NCOR1: variants seen among roughly 807,000 people sequenced by gnomAD.
NCOR1 encodes protein phosphatase 1, regulatory subunit 109.
Under a neutral mutation model 288.1 loss-of-function variants are expected in NCOR1, and 63 were observed. The observed-to-expected ratio is 0.22, with a 90% CI of 0.18 to 0.27. The LOEUF is 0.27. NCOR1 is among the 10% of genes least tolerant of loss of function. NCOR1 has a pLI of 1.00. For synonymous variants in NCOR1, 1,007 were observed against 1,065.9 expected, an observed-to-expected ratio of 0.94 and a Z score of 1.08; for missense variants, 2,397 against 3,019.2, an observed-to-expected ratio of 0.79 and a Z score of 4.83.
chr17:16,036,361 G>A (rs1239783391), intron 44 of NCOR1, among the ~76,000 whole-genome samples: 2 of 152,180 alleles, frequency 1.3e-5, no homozygotes, highest in African/African-American at 4.8e-5. Flanking sequence ...TAGAGCACAG[G>A]CGAGTAGACC....
intron 32 of NCOR1, among the ~76,000 whole-genome samples, chr17:16,067,266 T>C (rs1241680600): frequency 6.6e-6 from 1 of 152,238 alleles, no homozygotes; most frequent in African/African-American, 2.4e-5. Context: ...ACTAGAATTA[T>C]GTAACTTAAT....
chr17:16,200,496 A>C (rs1450697807), intron 1 of NCOR1, among the ~76,000 whole-genome samples: 2 of 5,042 alleles, frequency 4.0e-4, no homozygotes, highest in Non-Finnish European at 3.2e-4. Context: ...ACTCCATCTC[A>C]AAAAAAAAAA....
intron 5 of NCOR1, among the ~76,000 whole-genome samples, chr17:16,161,244 C>G (rs989064447): frequency 6.8e-6 from 1 of 146,074 alleles, no homozygotes; most frequent in Non-Finnish European, 1.5e-5. Context: ...CACACACACA[C>G]ACACACACAC....
intron 40 of NCOR1, 180 bp from the exon 41 acceptor site, chr17:16,049,168 C>CA (rs373057240): frequency 4.3e-4 from 185 of 428,908 alleles, no homozygotes; most frequent in African/African-American, 2.3e-3. Context: ...CAAACAACAA[C>CA]AAAAAAAACC....
intron 42 of NCOR1, among the ~76,000 whole-genome samples, chr17:16,041,980 C>T (rs904488152): frequency 1.6e-4 from 25 of 152,048 alleles, no homozygotes; most frequent in African/African-American, 5.6e-4. Flanking sequence ...TCGATATGCC[C>T]GCCTCGGCCT....
chr17:16,153,672 T>C (rs1216860809), intron 6 of NCOR1, among the ~76,000 whole-genome samples: 1 of 152,186 alleles, frequency 6.6e-6, no homozygotes, highest in African/African-American at 2.4e-5. Context: ...AAGCAATGCC[T>C]GAATAATAGG....
intron 32 of NCOR1, 102 bp from the exon 33 acceptor site, chr17:16,065,796 T>A: frequency 9.8e-7 from 1 of 1,017,150 alleles, no homozygotes; most frequent in Non-Finnish European, 1.5e-6. Context: ...CATGCTGAGC[T>A]AGTGCACATG....
intron 2 of NCOR1, among the ~76,000 whole-genome samples, chr17:16,193,486 G>A (rs954199689): frequency 1.3e-5 from 2 of 152,236 alleles, no homozygotes; most frequent in Non-Finnish European, 1.5e-5. Flanking sequence ...ACCCACCTCA[G>A]CCTCCCAAAA....
Position 16,117,969 on chromosome 17 carries a change from A to G in NCOR1, c.1974T>C (p.Ser658=), listed in dbSNP as rs1417195904. Reference sequence around the variant, plus strand: ...AATAGAAGTTTTTACATTGAGCTTCACTTTTCGTTCCCACCATTTTAGCAA... The same window carrying G: ...AATAGAAGTTTTTACATTGAGCTTCGCTTTTCGTTCCCACCATTTTAGCAA... The part of the protein sequence containing the change: ...AAIAKMVGTK[S]EAQCKNFYFN... Residue 658 remains serine (S), a synonymous_variant, in exon 18 of 46, where the codon AGT becomes AGC. Coordinates refer to ENST00000268712, the MANE Select transcript of NCOR1 (RefSeq NM_006311.4). 1.1e-5 allele frequency: 18 copies of G among 1,613,874 alleles called. No homozygotes were observed.
chr17:16,172,669 A>C (rs2083344923), intron 3 of NCOR1, among the ~76,000 whole-genome samples: 1 of 152,196 alleles, frequency 6.6e-6, no homozygotes, highest in African/African-American at 2.4e-5. Flanking sequence ...CATTGCTTCT[A>C]AAACATCATC....
Position 16,032,146 on chromosome 17 carries a change from C to T in NCOR1, c.*150G>A. Reference sequence around the variant, plus strand: ...CCATTTGACTCTCCAAATGAACTTCCATCATTTCTTCATCATCTGTGGGCT... The same window carrying T: ...CCATTTGACTCTCCAAATGAACTTCTATCATTTCTTCATCATCTGTGGGCT... On this transcript the variant is annotated 3_prime_UTR_variant, in exon 46 of 46. Coordinates refer to ENST00000268712, the MANE Select transcript of NCOR1 (RefSeq NM_006311.4). 3.9e-6 allele frequency: 3 copies of T among 776,484 alleles called. No homozygotes were observed. Among genetic ancestry groups the T allele is most frequent in the East Asian group, 6.4e-5 (2 of 31,390 alleles). 48.1% of individuals were successfully genotyped at this position (776,484 alleles called of 1,614,324 possible).
intron 6 of NCOR1, among the ~76,000 whole-genome samples, chr17:16,154,927 G>C (rs2079480388): frequency 6.6e-6 from 1 of 152,204 alleles, no homozygotes; most frequent in African/African-American, 2.4e-5. Context: ...ACATGAAGTG[G>C]CAAAGAGAGA....
chr17:16,072,597 A>T (rs2061887435), intron 28 of NCOR1, among the ~76,000 whole-genome samples: 1 of 152,234 alleles, frequency 6.6e-6, no homozygotes, highest in South Asian at 2.1e-4. Context: ...TGGATACCAT[A>T]AAAATAGGGA....
chr17:16,066,693 G>GCC (rs1164055173), intron 32 of NCOR1, among the ~76,000 whole-genome samples: 2 of 152,180 alleles, frequency 1.3e-5, no homozygotes, highest in East Asian at 3.8e-4. Context: ...GGGAGACAGT[G>GCC]CCCTAAGTAA....
At position 16,029,203 on chromosome 17, in the gene NCOR1, A is replaced by G; in HGVS notation, c.*3093T>C. Reference sequence around the variant, plus strand: ...TATTTATTAATTTTAAATCATCCACAGTGACTCAGCTCATGGTCTCGTTGT... The same window carrying G: ...TATTTATTAATTTTAAATCATCCACGGTGACTCAGCTCATGGTCTCGTTGT... On this transcript the variant is annotated 3_prime_UTR_variant, in exon 46 of 46. Coordinates refer to ENST00000268712, the MANE Select transcript of NCOR1 (RefSeq NM_006311.4). 1 of 453,896 alleles carries G rather than the reference A, an allele frequency of 2.2e-6. No homozygotes were observed. The highest frequency in any genetic ancestry group is 4.4e-6 in the Non-Finnish European group (1 of 226,728). 28.1% of individuals were successfully genotyped at this position (453,896 alleles called of 1,614,324 possible).
chr17:16,067,258 T>A (rs1213912394), intron 32 of NCOR1, among the ~76,000 whole-genome samples: 1 of 152,270 alleles, frequency 6.6e-6, no homozygotes, highest in African/African-American at 2.4e-5. Flanking sequence ...TACTTGTTAC[T>A]AGAATTATGT....
chr17:16,106,883 A>ATATATT (rs1164118180), intron 19 of NCOR1, among the ~76,000 whole-genome samples: 7 of 31,412 alleles, frequency 2.2e-4, no homozygotes, highest in Admixed American at 6.5e-4. Flanking sequence ...ATATATATAT[A>ATATATT]TTTTTTTTTT....
Position 16,075,693 on chromosome 17 carries a change from C to G in NCOR1, c.3511G>C (p.Ala1171Pro). Reference protein sequence around the residue: ...LRGSITQGTPALPQTGIPTEA... With the variant: ...LRGSITQGTPPLPQTGIPTEA... ...GTTGGTATGCCAGTCTGGGGCAGAG[C>G]CGGGGTGCCCTGCCATCAAATCAAG... The change falls in exon 27 of 46, where the codon GCT becomes CCT. Residue 1171 changes from alanine (A) to proline (P), a missense_variant. By Grantham distance (27) the Ala-to-Pro change is conservative (BLOSUM62 -1). Around this residue, in one of 11 missense-constraint regions of NCOR1, gnomAD observed 1,872 missense variants for 2,187.8 expected, o/e 0.86. Transcript: ENST00000268712. 1.1e-5 allele frequency: 18 copies of G among 1,614,018 alleles called. No homozygotes were observed. Among genetic ancestry groups the G allele is most frequent in the Non-Finnish European group, 1.5e-5 (18 of 1,179,974 alleles).
At chr17:16,100,492 T>C (rs1423765436) in intron 20 of NCOR1, among the ~76,000 whole-genome samples, 1 of 151,992 alleles carries the variant, frequency 6.6e-6, no homozygotes, top group Non-Finnish European at 1.5e-5. Flanking sequence ...AATACAAAAA[T>C]TAGCCAAGCA....
Sources: gnomAD v4.1 joint callset for allele counts (sites outside exome capture counted in the v4.1 genomes callset) on GRCh38, gnomAD v4.1.1 for gene constraint, gnomAD v4.1.1 regional missense constraint, MANE v1.5 for transcripts, NCBI Gene and HGNC (gene_info 2026-07-23, HGNC 2026-07-21) for gene names.